The following NBEAL1 variants were observed in gnomAD, a reference collection of about 807,000 sequenced individuals.
The protein encoded by NBEAL1 is neurobeachin like 1, also known as neurobeachin-like protein 1.
NBEAL1 carries 273 observed loss-of-function variants against 351.3 expected under a neutral mutation model. The observed-to-expected ratio is 0.78, with a 90% CI of 0.70 to 0.86. NBEAL1 has a LOEUF of 0.86. NBEAL1 is among the 40% of genes least tolerant of loss of function. NBEAL1 has a pLI of 0.00. For synonymous variants in NBEAL1, 1,050 were observed against 1,086.4 expected, an observed-to-expected ratio of 0.97 and a Z score of 0.66; for missense variants, 2,961 against 3,201.3, an observed-to-expected ratio of 0.92 and a Z score of 1.81.
chr2:203,025,498 C>T (rs187042505), intron 2 of NBEAL1, among the ~76,000 whole-genome samples: 96 of 152,230 alleles, frequency 6.3e-4, no homozygotes, highest in Non-Finnish European at 1.1e-3. Context: ...TGCAAAATTA[C>T]GTTGCAAGTT....
intron 15 of NBEAL1, among the ~76,000 whole-genome samples, chr2:203,110,619 A>G (rs2062545278): frequency 6.6e-6 from 1 of 151,446 alleles, no homozygotes; most frequent in Non-Finnish European, 1.5e-5. Flanking sequence ...GGCTCCAGTA[A>G]GCTGAGATGG....
intron 44 of NBEAL1, among the ~76,000 whole-genome samples, chr2:203,184,074 T>TAAAAAAAAAAAAAAAAAA (rs1170251389): frequency 9.1e-5 from 8 of 88,008 alleles, no homozygotes; most frequent in Non-Finnish European, 1.1e-4. Context: ...CGAGACTGTC[T>TAAAAAAAAAAAAAAAAAA]AAAAAAAAAA....
At chr2:203,120,214 T>C (rs1307838003) in intron 18 of NBEAL1, among the ~76,000 whole-genome samples, 1 of 152,202 alleles carries the variant, frequency 6.6e-6, no homozygotes, top group East Asian at 1.9e-4. Context: ...TCACTTAATC[T>C]TCACAAAAGC....
At chr2:203,215,511 A>AAAC (rs897114368) in intron 55 of NBEAL1, among the ~76,000 whole-genome samples, 2 of 151,982 alleles carry the variant, frequency 1.3e-5, no homozygotes, top group African/African-American at 4.8e-5. Flanking sequence ...CCATCTCAGA[A>AAAC]AACAACAACA....
At chr2:203,024,681 G>A (rs1344387351) in intron 2 of NBEAL1, among the ~76,000 whole-genome samples, 1 of 152,070 alleles carries the variant, frequency 6.6e-6, no homozygotes, top group Non-Finnish European at 1.5e-5. Flanking sequence ...TGGCCAAAAT[G>A]GTGAAACCCG....
At chr2:203,147,204 A>G (rs370000069) in intron 33 of NBEAL1, among the ~76,000 whole-genome samples, 2 of 152,044 alleles carry the variant, frequency 1.3e-5, no homozygotes, top group East Asian at 1.9e-4. Flanking sequence ...AAGCATTCAC[A>G]TTGGGAAGGA....
In NBEAL1 at chr2:203,038,124, G is replaced by A. The variant is rs58381430; in HGVS notation, c.52-3641G>A. The stretch of plus-strand genomic sequence containing the variant: ...GTATTCCATTGTACGAATGTACAAC[G>A]ATTTGTTTATCCGTTAACTTGATAG... On this transcript the variant is annotated intron_variant, in intron 2 of 55. Coordinates refer to ENST00000683969, the MANE Select transcript of NBEAL1 (RefSeq NM_001378026.1). 6.9e-3 allele frequency among the ~76,000 whole-genome samples: 1,028 copies of A among 149,158 alleles called. 52 individuals are homozygous for A. The highest frequency in any genetic ancestry group is 0.024 in the African/African-American group (989 of 41,124).
chr2:203,176,558 C>G (rs998302264), intron 42 of NBEAL1, among the ~76,000 whole-genome samples: 2 of 151,434 alleles, frequency 1.3e-5, no homozygotes, highest in Non-Finnish European at 2.9e-5. Flanking sequence ...GGTGAAACCC[C>G]GTCTCTACTA....
At chr2:203,166,087 T>C in intron 36 of NBEAL1, 62 bp from the exon 37 acceptor site, 1 of 1,405,316 alleles carries the variant, frequency 7.1e-7, no homozygotes, top group African/African-American at 1.5e-5. Flanking sequence ...TGTGGCATTC[T>C]TTTCTATTTA....
chr2:203,080,151 T>C (rs2061847458), intron 8 of NBEAL1, among the ~76,000 whole-genome samples: 1 of 152,152 alleles, frequency 6.6e-6, no homozygotes, highest in East Asian at 1.9e-4. Context: ...GGCTCACCCC[T>C]GTAATCACAG....
intron 7 of NBEAL1, among the ~76,000 whole-genome samples, chr2:203,076,463 T>C (rs1363971840): frequency 1.1e-5 from 1 of 94,660 alleles, no homozygotes; most frequent in East Asian, 2.9e-4. Flanking sequence ...GGCAATAAAG[T>C]AAGACCCTGT....
At chr2:203,164,777 A>G (rs969876430) in intron 36 of NBEAL1, among the ~76,000 whole-genome samples, 7 of 152,260 alleles carry the variant, frequency 4.6e-5, no homozygotes, top group African/African-American at 1.7e-4. Context: ...TGAGGCAGAT[A>G]TGAAATGTCT....
intron 29 of NBEAL1, 38 bp from the exon 30 acceptor site, chr2:203,138,124 C>T (rs758364272): frequency 6.2e-7 from 1 of 1,602,662 alleles, no homozygotes; most frequent in East Asian, 2.2e-5. Flanking sequence ...TTTTTCTAAG[C>T]TCACAATGGT....
chr2:203,144,185 C>T (rs767982945), intron 31 of NBEAL1, among the ~76,000 whole-genome samples: 5 of 137,960 alleles, frequency 3.6e-5, no homozygotes, highest in Non-Finnish European at 7.6e-5. Context: ...CACCCCAACC[C>T]GGGCAACAGT....
intron 49 of NBEAL1, 55 bp downstream of exon 49, chr2:203,199,502 G>A: frequency 1.2e-6 from 1 of 817,372 alleles, no homozygotes; most frequent in South Asian, 1.7e-5. Flanking sequence ...TTATTGCCAG[G>A]AAAAAAACTA....
rs201986939 is a variant in NBEAL1, at chr2:203,201,714, G to A, written c.7410G>A (p.Met2470Ile). The part of the protein sequence containing the change: ...GKIISHIIRH[M>I]DIVTCLATDY... Reference sequence around the variant, plus strand: ...TTATCTCACACATCATCCGGCATATGGGTAAGCATTAGCTTTTTTTCCAAA... The same window carrying A: ...TTATCTCACACATCATCCGGCATATAGGTAAGCATTAGCTTTTTTTCCAAA... The change falls in exon 50 of 56, where the codon ATG becomes ATA. Residue 2470 changes from methionine to isoleucine, a missense_variant and splice_region_variant. Transcript: ENST00000683969. 1.6e-4 allele frequency: 252 copies of A among 1,573,038 alleles called. 2 individuals carry two copies. The East Asian group carries it at 4.5e-3, about 28-fold the overall frequency.
At chr2:203,132,206 A>G in intron 26 of NBEAL1, 74 bp downstream of exon 26, 1 of 938,836 alleles carries the variant, frequency 1.1e-6, no homozygotes, top group Non-Finnish European at 1.6e-6. Flanking sequence ...TACCTTTCTC[A>G]GGCTGCTTTT....
chr2:203,138,694 C>G lies in NBEAL1; in HGVS notation c.4794C>G (p.Leu1598=). 6.2e-7 allele frequency: 1 copy of G among 1,613,186 alleles called. No homozygotes were observed. The highest frequency in any genetic ancestry group is 8.5e-7 in the Non-Finnish European group (1 of 1,179,650). The change falls in exon 31 of 56, where the codon CTC becomes CTG. Residue 1598 remains leucine (L), a synonymous_variant. Transcript: ENST00000683969. The part of the protein sequence containing the change: ...CYSESPVWVK[L]SQIQIQLLLG... ...CTGAAAGTCCAGTATGGGTAAAACT[C>G]TCTCAAATTCAGATCCAGTTGCTTC...
At chr2:203,207,316 C>T (rs1312496614) in intron 51 of NBEAL1, among the ~76,000 whole-genome samples, 1 of 151,832 alleles carries the variant, frequency 6.6e-6, no homozygotes, top group African/African-American at 2.4e-5. Flanking sequence ...CCCGGCCAGC[C>T]GCCCCCTCCG....
Sources: gnomAD v4.1 joint callset for allele counts (sites outside exome capture counted in the v4.1 genomes callset) on GRCh38, gnomAD v4.1.1 for gene constraint, MANE v1.5 for transcripts, NCBI Gene and HGNC (gene_info 2026-07-23, HGNC 2026-07-21) for gene names.